Variants in BCAS3 observed in about 807,000 individuals in gnomAD.
The protein encoded by BCAS3 is BCAS3 microtubule associated cell migration factor.
A neutral mutation model predicts 116.1 loss-of-function variants in BCAS3; 53 were observed. The observed-to-expected ratio is 0.46, with a 90% CI of 0.37 to 0.57. The LOEUF is 0.57. BCAS3 is among the 20% of genes least tolerant of loss of function. The probability of loss-of-function intolerance (pLI) is 0.00; values close to 1 mark genes in which losing one functional copy is unlikely to be tolerated. For missense variants in BCAS3, 917 were observed against 1,165.4 expected (o/e 0.79, Z 3.10); for synonymous variants, 391 against 408.2 (o/e 0.96, Z 0.51).
chr17:61,312,244 G>A (rs1279255032), intron 22 of BCAS3, among the ~76,000 whole-genome samples: 1 of 152,058 alleles, frequency 6.6e-6, no homozygotes, highest in Non-Finnish European at 1.5e-5. Context: ...TCTGTGGGAG[G>A]GTCTGTTAGA....
At chr17:61,006,408 A>G (rs2064715343) in intron 15 of BCAS3, among the ~76,000 whole-genome samples, 1 of 152,112 alleles carries the variant, frequency 6.6e-6, no homozygotes, top group Non-Finnish European at 1.5e-5. Flanking sequence ...TGATACTTCT[A>G]CATCTTGTAT....
intron 4 of BCAS3, among the ~76,000 whole-genome samples, chr17:60,691,956 G>C (rs1343434289): frequency 6.6e-6 from 1 of 150,920 alleles, no homozygotes; most frequent in Non-Finnish European, 1.5e-5. Context: ...ACTGAAATTA[G>C]AAGTAGAAGC....
At position 60,994,936 on chromosome 17, in the gene BCAS3, TG is replaced by T. The variant is rs2145449728; in HGVS notation, c.1486+4703del. On this transcript the variant is annotated intron_variant, in intron 15 of 23. Coordinates refer to ENST00000407086, the MANE Select transcript of BCAS3 (RefSeq NM_017679.5). The surrounding 1 kb of genome is among the most constrained non-coding windows in gnomAD (Gnocchi z 4.4). ...GACTTCTGTGAGCACAAAGTCTTTT[TG>T]GTGTTTCTATTTGTATCTTGGCAGT... Among the ~76,000 whole-genome samples the T allele has an allele frequency of 6.6e-6, 1 of 152,340 alleles. No homozygotes were observed. The highest frequency in any genetic ancestry group is 1.9e-4 in the East Asian group (1 of 5,180).
At position 61,276,490 on chromosome 17, in the gene BCAS3, C is replaced by T. The variant is rs185318123; in HGVS notation, c.2426-91837C>T. On this transcript the variant is annotated intron_variant, in intron 22 of 23. Coordinates refer to ENST00000407086, the MANE Select transcript of BCAS3 (RefSeq NM_017679.5). The surrounding 1 kb of genome is among the most constrained non-coding windows in gnomAD (Gnocchi z 4.2). ...CAAAGTACTCAGGAATAAATTTAAC[C>T]GAAGTAAAAATTTTATAAACTACAA... Among the ~76,000 whole-genome samples the T allele has an allele frequency of 4.7e-4, 71 of 152,036 alleles. No homozygotes were observed. Among genetic ancestry groups the T allele is most frequent in the African/African-American group, 1.6e-3 (67 of 41,466 alleles).
chr17:60,767,989 A>G (rs1053483070), intron 6 of BCAS3, among the ~76,000 whole-genome samples: 1 of 152,142 alleles, frequency 6.6e-6, no homozygotes, highest in African/African-American at 2.4e-5. Context: ...TTGTAGGAAC[A>G]GGATCTCACT....
chr17:60,831,232 A>G (rs972063449), intron 7 of BCAS3, among the ~76,000 whole-genome samples: 1 of 152,126 alleles, frequency 6.6e-6, no homozygotes, highest in African/African-American at 2.4e-5. Flanking sequence ...GCTGGAGTGT[A>G]GTGGCACGGT....
rs147402125 is a variant in BCAS3 at position 61,366,566 on chromosome 17, G to A, written c.2426-1761G>A. On this transcript the variant is annotated intron_variant, in intron 22 of 23. Transcript: ENST00000407086. The surrounding 1 kb of genome is among the most constrained non-coding windows in gnomAD (Gnocchi z 4.5). ...CAGCTCTAGCACAGTTCAGGCCTTG[G>A]GAGAATTATCTGACACCCAGCCGTG... Among the ~76,000 whole-genome samples, 4 of 152,282 alleles carry A rather than the reference G, an allele frequency of 2.6e-5. No individual in the cohort carries two copies. The highest frequency in any genetic ancestry group is 6.5e-5 in the Admixed American group (1 of 15,296).
intron 22 of BCAS3, among the ~76,000 whole-genome samples, chr17:61,280,706 G>C (rs2051163199): frequency 6.6e-6 from 1 of 152,192 alleles, no homozygotes; most frequent in Non-Finnish European, 1.5e-5. Flanking sequence ...GCATTGTTGT[G>C]TGTGTGTTCA....
chr17:60,949,448 T>C (rs1485978932), intron 14 of BCAS3, among the ~76,000 whole-genome samples: 1 of 152,040 alleles, frequency 6.6e-6, no homozygotes, highest in African/African-American at 2.4e-5. Flanking sequence ...TTTCTTTTTT[T>C]GTAGAGATGA....
rs951799483 is a variant in BCAS3 at position 61,205,279 on chromosome 17, T to C, written c.2425+120715T>C. Among the ~76,000 whole-genome samples the C allele has an allele frequency of 6.6e-5, 10 of 152,246 alleles. No individual in the cohort carries two copies. Among genetic ancestry groups the C allele is most frequent in the Non-Finnish European group, 1.2e-4 (8 of 68,036 alleles). On this transcript the variant is annotated intron_variant, in intron 22 of 23. Coordinates refer to ENST00000407086, the MANE Select transcript of BCAS3 (RefSeq NM_017679.5). This position sits in a 1 kb window ranked among gnomAD's most constrained non-coding sequence, Gnocchi z 5.2. ...CAGAGAATAGTTTACTGATAAAATA[T>C]GTTTTAGGAAGGAAAACTGGTTACA...
In BCAS3 at chr17:61,344,179, G is replaced by A. The variant is rs527633065; in HGVS notation, c.2426-24148G>A. 2.6e-5 allele frequency among the ~76,000 whole-genome samples: 4 copies of A among 152,056 alleles called. No individual in the cohort carries two copies. Among genetic ancestry groups the A allele is most frequent in the South Asian group, 2.1e-4 (1 of 4,798 alleles). On this transcript the variant is annotated intron_variant, in intron 22 of 23. Transcript: ENST00000407086. The surrounding 1 kb of genome is among the most constrained non-coding windows in gnomAD (Gnocchi z 4.1). ...GCTTCACTGATACCCATAAGGAGGC[G>A]GAATATGCAAACCCTCTTTGCTTAG...
chr17:60,727,237 C>T, intron 5 of BCAS3: 2 of 961,934 alleles, frequency 2.1e-6, no homozygotes, highest in Non-Finnish European at 1.7e-6. Context: ...TCTGAATGAC[C>T]ACCATCCTCT....
At chr17:60,856,315 A>G (rs2053667535) in intron 7 of BCAS3, among the ~76,000 whole-genome samples, 1 of 152,194 alleles carries the variant, frequency 6.6e-6, no homozygotes, top group South Asian at 2.1e-4. Context: ...TAGAGCCTGA[A>G]TTTCAGACAT....
chr17:61,234,438 A>G (rs773980253), intron 22 of BCAS3, among the ~76,000 whole-genome samples: 15 of 152,194 alleles, frequency 9.9e-5, no homozygotes, highest in Admixed American at 9.8e-4. Flanking sequence ...CAGATTCAAT[A>G]CTAAACTGTT....
chr17:60,943,959 A>G (rs1028595074), intron 13 of BCAS3, among the ~76,000 whole-genome samples: 1 of 152,130 alleles, frequency 6.6e-6, no homozygotes, highest in African/African-American at 2.4e-5. Context: ...GCAGCATATC[A>G]AAATCTGTTA....
At chr17:60,779,992 A>T (rs894705823) in intron 6 of BCAS3, among the ~76,000 whole-genome samples, 3 of 143,912 alleles carry the variant, frequency 2.1e-5, no homozygotes, top group East Asian at 2.0e-4. Flanking sequence ...ACTATTTTTA[A>T]TTTTTTTTTT....
chr17:60,938,769 A>G (rs896905124), intron 13 of BCAS3, among the ~76,000 whole-genome samples: 1 of 147,448 alleles, frequency 6.8e-6, no homozygotes, highest in Non-Finnish European at 1.5e-5. Flanking sequence ...TATTGAAAAC[A>G]TACAATTTAA....
At chr17:61,375,473 C>T (rs1449778411) in intron 23 of BCAS3, among the ~76,000 whole-genome samples, 3 of 151,934 alleles carry the variant, frequency 2.0e-5, no homozygotes, top group Non-Finnish European at 4.4e-5. Context: ...TCTAAGGCTA[C>T]ATTTCCAATA....
At position 60,989,975 on chromosome 17, in the gene BCAS3, A is replaced by G; in HGVS notation, c.1226A>G (p.Gln409Arg). The change falls in exon 15 of 24, where the codon CAG becomes CGG. Residue 409 changes from glutamine (Q) to arginine (R), a missense_variant. By Grantham distance (43) the Gln-to-Arg change is conservative. Coordinates refer to ENST00000407086, the MANE Select transcript of BCAS3 (RefSeq NM_017679.5). ...LHRGETEAKV[Q>R]DICFSHDCRW... is the part of the protein sequence containing the mutation. ...CTTTTCTTATCTCATTTCTAGGTAC[A>G]GGACATCTGCTTCAGCCATGACTGT... The G allele has an allele frequency of 1.9e-6, 3 of 1,614,000 alleles. No individual in the cohort carries two copies. Among genetic ancestry groups the G allele is most frequent in the Middle Eastern group, 1.7e-4 (1 of 6,036 alleles).
Sources: gnomAD v4.1 joint callset for allele counts (sites outside exome capture counted in the v4.1 genomes callset) on GRCh38, gnomAD v4.1.1 for gene constraint, Gnocchi (gnomAD v3.1) non-coding constraint, MANE v1.5 for transcripts, NCBI Gene and HGNC (gene_info 2026-07-23, HGNC 2026-07-21) for gene names.